MTHFSD: variants seen among roughly 807,000 people sequenced by gnomAD.
The protein encoded by MTHFSD is methenyltetrahydrofolate synthase domain-containing protein.
A neutral mutation model predicts 31.1 loss-of-function variants in MTHFSD; 37 were observed. That is an observed-to-expected ratio of 1.19 (90% CI 0.91 to 1.56). MTHFSD has a LOEUF of 1.56. MTHFSD is among the 40% of genes most tolerant of loss of function. MTHFSD has a pLI of 0.00. For missense variants in MTHFSD, 664 were observed against 510.1 expected (o/e 1.30, Z -2.91); for synonymous variants, 221 against 206.9 (o/e 1.07, Z -0.59).
chr16:86,541,935 T>C, intron 6 of MTHFSD, 113 bp from the exon 7 acceptor site: 1 of 1,477,916 alleles, frequency 6.8e-7, no homozygotes, highest in South Asian at 1.2e-5. Flanking sequence ...CCAAATCCAC[T>C]CTGGGGCTAA....
rs148876493 is a variant in MTHFSD, at chr16:86,554,129, C to T, written c.123+516G>A. Among the ~76,000 whole-genome samples, 453 of 152,262 alleles carry T rather than the reference C, an allele frequency of 3.0e-3. 2 individuals carry two copies. Among genetic ancestry groups the T allele is most frequent in the African/African-American group, 0.01 (419 of 41,542 alleles). ...GCAACAACCCTCTCCAATCCCCTTC[C>T]ACATTGTGGAAGGTTTGTTCTTTGC... On this transcript the variant is annotated intron_variant, in intron 2 of 7. Transcript: ENST00000360900.
chr16:86,548,776 C>G (rs889461130), intron 3 of MTHFSD, among the ~76,000 whole-genome samples, 199 bp from the exon 4 acceptor site: 1 of 152,098 alleles, frequency 6.6e-6, no homozygotes, highest in Non-Finnish European at 1.5e-5. Context: ...AATCACCACT[C>G]GGCACCTCCT....
chr16:86,548,699 G>T, intron 3 of MTHFSD, 122 bp from the exon 4 acceptor site: 1 of 748,024 alleles, frequency 1.3e-6, no homozygotes, highest in Non-Finnish European at 2.1e-6. Context: ...GTTTTTTTTG[G>T]TGTGTGCCAA....
intron 4 of MTHFSD, chr16:86,547,450 G>T: frequency 1.0e-6 from 1 of 986,170 alleles, no homozygotes; most frequent in Non-Finnish European, 1.2e-6. Context: ...CAGTGCATAC[G>T]GGTGGCTTGG....
rs879497971 is a variant in MTHFSD, at chr16:86,542,711, G to T, written c.443-498C>A. ...CTCACCACTAGATACCAGGTCCTGA[G>T]GGACGGTTTAAGCAGTACTAAAGCG... On this transcript the variant is annotated intron_variant, in intron 5 of 7. Coordinates refer to ENST00000360900, the MANE Select transcript of MTHFSD (RefSeq NM_001159377.2). The surrounding 1 kb of genome is among the most constrained non-coding windows in gnomAD (Gnocchi z 4.6). 6.6e-6 allele frequency among the ~76,000 whole-genome samples: 1 copy of T among 152,198 alleles called. No individual in the cohort carries two copies. Among genetic ancestry groups the T allele is most frequent in the Non-Finnish European group, 1.5e-5 (1 of 68,032 alleles).
rs562405394 is a variant in MTHFSD at position 86,544,028 on chromosome 16, G to C, written c.443-1815C>G. Among the ~76,000 whole-genome samples the C allele has an allele frequency of 3.7e-4, 57 of 152,320 alleles. No individual in the cohort carries two copies. In the South Asian group the frequency reaches 0.011, roughly 30 times the overall value. On this transcript the variant is annotated intron_variant, in intron 5 of 7. Coordinates refer to ENST00000360900, the MANE Select transcript of MTHFSD (RefSeq NM_001159377.2). ...TATCACCCTGAGATGGGACCGTCTA[G>C]TTGCAGGAAAACAAGCTGAGGGCTC... is the stretch of plus-strand genomic sequence containing the variant.
rs1182158779 is a variant in MTHFSD at position 86,531,798 on chromosome 16, G to A, written c.*213C>T. On this transcript the variant is annotated 3_prime_UTR_variant, in exon 8 of 8. Transcript: ENST00000360900. The surrounding 1 kb of genome is among the most constrained non-coding windows in gnomAD (Gnocchi z 5.5). ...ACGATTGGGAGGCTGCAGTCTCTGC[G>A]CGCTGTGAGATGAACCGCAGGGCGG... 5 of 409,770 alleles carry A rather than the reference G, an allele frequency of 1.2e-5. No homozygotes were observed. Among genetic ancestry groups the A allele is most frequent in the Non-Finnish European group, 2.2e-5 (5 of 231,360 alleles). The allele number at this position is 409,770 out of a possible 1,614,324, so 25.4% of individuals were successfully genotyped here.
chr16:86,554,250 C>G (rs554247201), intron 2 of MTHFSD, among the ~76,000 whole-genome samples: 3 of 152,170 alleles, frequency 2.0e-5, no homozygotes, highest in Admixed American at 6.5e-5. Flanking sequence ...CTGAAGCCAG[C>G]AAAGACCGTG....
intron 7 of MTHFSD, among the ~76,000 whole-genome samples, chr16:86,534,804 G>A (rs1442583891): frequency 6.6e-6 from 1 of 152,168 alleles, no homozygotes. Flanking sequence ...CGTGGGGTGG[G>A]GTGGGGGCAA....
chr16:86,532,051 G>A lies in MTHFSD; in HGVS notation c.1112C>T (p.Thr371Ile). Residue 371 changes from threonine (T) to isoleucine (I), a missense_variant, in exon 8 of 8, where the codon ACC (threonine) becomes ATC (isoleucine). Coordinates refer to ENST00000360900, the MANE Select transcript of MTHFSD (RefSeq NM_001159377.2). Reference protein sequence around the residue: ...CLQGLRLGTDTLRVALARQQR... With the variant: ...CLQGLRLGTDILRVALARQQR... ...CTGCCTGGCCAGCGCCACCCTCAGG[G>A]TGTCGGTGCCCAGGCGCAGGCCCTG... The A allele has an allele frequency of 6.6e-6, 10 of 1,506,456 alleles. No homozygotes were observed. The highest frequency in any genetic ancestry group is 8.8e-6 in the Non-Finnish European group (10 of 1,130,580). 93.3% of individuals were successfully genotyped at this position (1,506,456 alleles called of 1,614,324 possible). A position where few individuals can be genotyped will look rare whatever the true frequency, so the allele number is the denominator to read the frequency against.
chr16:86,547,285 A>T, intron 4 of MTHFSD: 2 of 985,510 alleles, frequency 2.0e-6, no homozygotes, highest in Non-Finnish European at 2.4e-6. Context: ...GCATGCATAT[A>T]AAGAATAGGG....
chr16:86,542,954 G>A lies in MTHFSD; in HGVS notation c.443-741C>T, dbSNP rs745965027. Among the ~76,000 whole-genome samples, 4 of 152,170 alleles carry A rather than the reference G, an allele frequency of 2.6e-5. No homozygotes were observed. The highest frequency in any genetic ancestry group is 5.9e-5 in the Non-Finnish European group (4 of 68,034). On this transcript the variant is annotated intron_variant, in intron 5 of 7. Transcript: ENST00000360900. This position sits in a 1 kb window ranked among gnomAD's most constrained non-coding sequence, Gnocchi z 4.6. ...AGGCACTTCAGAAACTGAGGCCAGC[G>A]AGTGCCACCAGCAGCATCACCCGCA...
chr16:86,545,479 C>G (rs1195257067), intron 5 of MTHFSD, among the ~76,000 whole-genome samples: 1 of 152,160 alleles, frequency 6.6e-6, no homozygotes, highest in Non-Finnish European at 1.5e-5. Flanking sequence ...GATTTCCCAC[C>G]ACCAAGAGCC....
Position 86,554,740 on chromosome 16 carries a change from T to C in MTHFSD, c.28A>G (p.Lys10Glu), listed in dbSNP as rs748344252. MEPRAVGVS[K>E]QDIREQIWGY... ...CAAATTTGTTCACGTATGTCCTGTT[T>C]GGAGACACCTACTGCAACAAAAGAT... The change falls in exon 2 of 8, where the codon AAA (lysine) becomes GAA (glutamate). Residue 10 changes from lysine (K) to glutamate (E), a missense_variant. Coordinates refer to ENST00000360900, the MANE Select transcript of MTHFSD (RefSeq NM_001159377.2). The C allele has an allele frequency of 1.2e-6, 2 of 1,613,492 alleles. No individual in the cohort carries two copies. Among genetic ancestry groups the C allele is most frequent in the Admixed American group, 3.3e-5 (2 of 59,994 alleles).
At chr16:86,551,620 G>A (rs138633662) in intron 3 of MTHFSD, among the ~76,000 whole-genome samples, 3 of 152,288 alleles carry the variant, frequency 2.0e-5, no homozygotes, top group African/African-American at 4.8e-5. Flanking sequence ...ACAAGTGACC[G>A]TCTGTCATCC....
chr16:86,537,856 G>A (rs772622821), intron 7 of MTHFSD, among the ~76,000 whole-genome samples: 1 of 152,220 alleles, frequency 6.6e-6, no homozygotes, highest in Non-Finnish European at 1.5e-5. Flanking sequence ...CGTGGCTCTG[G>A]AAGAATCCAG....
Position 86,532,450 on chromosome 16 carries a change from A to G in MTHFSD, c.713T>C (p.Ile238Thr). The G allele has an allele frequency of 6.9e-7, 1 of 1,448,512 alleles. No individual in the cohort carries two copies. Among genetic ancestry groups the G allele is most frequent in the Non-Finnish European group, 9.1e-7 (1 of 1,097,924 alleles). The allele number at this position is 1,448,512 out of a possible 1,614,324, so 89.7% of individuals were successfully genotyped here. A position where few individuals can be genotyped will look rare whatever the true frequency, so the allele number is the denominator to read the frequency against. The change falls in exon 8 of 8, where the codon ATA becomes ACA. Residue 238 changes from isoleucine (I) to threonine (T), a missense_variant. By Grantham distance (89) the Ile-to-Thr change is moderately conservative (BLOSUM62 -1). Transcript: ENST00000360900. ...CTCTCGGGCGCGGAGGCTCCTCAGT[A>G]TGGGGATTTTCTCCATCATCTCCAG... is the stretch of plus-strand genomic sequence containing the variant. ...ISLEMMEKIPILRSLRAREQQ... is the reference protein window; with the variant it reads ...ISLEMMEKIPTLRSLRAREQQ...
intron 5 of MTHFSD, among the ~76,000 whole-genome samples, chr16:86,546,022 T>G (rs1007591152): frequency 6.6e-6 from 1 of 152,218 alleles, no homozygotes; most frequent in Admixed American, 6.5e-5. Flanking sequence ...CCTGGCCTTG[T>G]GGACCGAGAG....
At chr16:86,546,790 G>A (rs371939456) in intron 4 of MTHFSD, 141 bp from the exon 5 acceptor site, 47 of 701,066 alleles carry the variant, frequency 6.7e-5, no homozygotes, top group East Asian at 6.3e-4. Flanking sequence ...GAGATGTGGC[G>A]TTTCAGGAGA....
Sources: allele counts gnomAD v4.1 joint callset (sites outside exome capture counted in the v4.1 genomes callset), GRCh38; gene constraint gnomAD v4.1.1; non-coding constraint Gnocchi (gnomAD v3.1); transcripts MANE v1.5; gene names NCBI Gene and HGNC (gene_info 2026-07-23, HGNC 2026-07-21).